The following SH3KBP1 variants were observed in gnomAD, a reference collection of about 807,000 sequenced individuals.
The protein encoded by SH3KBP1 is SH3 domain-containing kinase-binding protein 1.
A neutral mutation model predicts 50.1 loss-of-function variants in SH3KBP1; 8 were observed. That is an observed-to-expected ratio of 0.16 (90% confidence interval 0.09 to 0.29). SH3KBP1 has a LOEUF of 0.29. Ranked by LOEUF, SH3KBP1 falls within the 10% of genes least tolerant of loss-of-function variation. The pLI, the probability that SH3KBP1 is intolerant of heterozygous loss-of-function variation, is 1.00. For missense variants in SH3KBP1, 377 were observed against 535.2 expected, an observed-to-expected ratio of 0.70 and a Z score of 2.92; for synonymous variants, 227 against 218.6, an observed-to-expected ratio of 1.04 and a Z score of -0.34.
chrX:19,722,314 G>A (rs1173948306), intron 3 of SH3KBP1, among the ~76,000 whole-genome samples: 1 of 111,598 alleles, frequency 9.0e-6, no homozygotes, highest in Admixed American at 9.5e-5. Flanking sequence ...TTCTTCCAGG[G>A]AGGCCAGCAC....
At chrX:19,604,262 C>A (rs2067176418) in intron 9 of SH3KBP1, among the ~76,000 whole-genome samples, 2 of 111,879 alleles carry the variant, frequency 1.8e-5, no homozygotes, top group South Asian at 7.5e-4. Flanking sequence ...CTAAAATATG[C>A]ACCAAGAGAT....
chrX:19,632,341 C>T (rs936591687), intron 7 of SH3KBP1, among the ~76,000 whole-genome samples: 4 of 112,232 alleles, frequency 3.6e-5, no homozygotes, highest in Non-Finnish European at 7.5e-5. Flanking sequence ...TTAAGTTTTG[C>T]CTCACTGCCT....
chrX:19,572,456 A>C (rs1602516043), intron 12 of SH3KBP1, among the ~76,000 whole-genome samples: 1 of 107,165 alleles, frequency 9.3e-6, no homozygotes. Flanking sequence ...CATGTTATAT[A>C]TAGTACATAT....
chrX:19,885,283 C>T (rs2069556465), intron 1 of SH3KBP1, among the ~76,000 whole-genome samples: 1 of 111,819 alleles, frequency 8.9e-6, no homozygotes, highest in African/African-American at 3.3e-5. Context: ...CACTTCATTA[C>T]AAATATACTG....
chrX:19,826,696 A>G (rs1307397457), intron 2 of SH3KBP1, among the ~76,000 whole-genome samples: 1 of 74,298 alleles, frequency 1.3e-5, no homozygotes, highest in East Asian at 3.1e-4. Flanking sequence ...ATAACATAAC[A>G]TAACATAACA....
At chrX:19,872,270 A>AAAAGAAAG (rs748207841) in intron 1 of SH3KBP1, among the ~76,000 whole-genome samples, 1 of 83,728 alleles carries the variant, frequency 1.2e-5, no homozygotes, top group Non-Finnish European at 2.3e-5. Flanking sequence ...AAAAAAAAAA[A>AAAAGAAAG]AAAGAAAGAA....
intron 2 of SH3KBP1, among the ~76,000 whole-genome samples, chrX:19,796,763 A>G (rs749913691): frequency 1.1e-4 from 12 of 112,519 alleles, no homozygotes; most frequent in Admixed American, 2.8e-4. Flanking sequence ...GGTGGTTTTC[A>G]TTTTGAGAAC....
At chrX:19,628,558 G>A (rs138953874) in intron 8 of SH3KBP1, among the ~76,000 whole-genome samples, 116 of 111,460 alleles carry the variant, frequency 1.0e-3, no homozygotes, top group African/African-American at 3.6e-3. Flanking sequence ...CACCGCTTCC[G>A]GCAAACTGGA....
At chrX:19,539,934 G>C (rs943030912) in intron 16 of SH3KBP1, among the ~76,000 whole-genome samples, 4 of 111,758 alleles carry the variant, frequency 3.6e-5, no homozygotes, top group Non-Finnish European at 7.5e-5. Flanking sequence ...CAGTGGGGGA[G>C]AAACATGGTG....
At chrX:19,880,940 A>T (rs905142518) in intron 1 of SH3KBP1, among the ~76,000 whole-genome samples, 1 of 111,899 alleles carries the variant, frequency 8.9e-6, no homozygotes, top group Non-Finnish European at 1.9e-5. Flanking sequence ...CTCCAGAAAG[A>T]ACGCAACCCT....
chrX:19,713,780 A>G (rs1292280915), intron 3 of SH3KBP1, among the ~76,000 whole-genome samples: 2 of 111,196 alleles, frequency 1.8e-5, no homozygotes, highest in Non-Finnish European at 3.8e-5. Context: ...TAGTCACCCT[A>G]CTCTGCTACT....
chrX:19,692,687 A>ATT (rs1173048315), intron 5 of SH3KBP1, among the ~76,000 whole-genome samples: 2 of 86,961 alleles, frequency 2.3e-5, no homozygotes, highest in African/African-American at 1.0e-4. Context: ...ATATATATAT[A>ATT]TATTTTTTTT....
rs1470643490 is a variant in SH3KBP1, at chrX:19,887,389, G to C, written c.-79C>G. On this transcript the variant is annotated 5_prime_UTR_variant, in exon 1 of 18. Transcript: ENST00000397821. Reference sequence around the variant, plus strand: ...GCGTGGGGGTTGGGGCGCCGGGATCGGGGCGCTGGGATCCAGGCGCGAGGG... The same window carrying C: ...GCGTGGGGGTTGGGGCGCCGGGATCCGGGCGCTGGGATCCAGGCGCGAGGG... 2.9e-5 allele frequency: 24 copies of C among 827,874 alleles called. No homozygotes were observed. The East Asian group carries it at 8.6e-4, about 30-fold the overall frequency. The allele number at this position is 827,874 out of a possible 1,213,427, so 68.2% of individuals were successfully genotyped here. A position where few individuals can be genotyped will look rare whatever the true frequency, so the allele number is the denominator to read the frequency against.
intron 12 of SH3KBP1, among the ~76,000 whole-genome samples, chrX:19,576,951 C>T (rs374662757): frequency 8.9e-6 from 1 of 112,099 alleles, no homozygotes; most frequent in African/African-American, 3.2e-5. Flanking sequence ...TCTCAGCCAT[C>T]TCAGCCCAAC....
At chrX:19,562,687 A>C (rs2065719637) in intron 13 of SH3KBP1, among the ~76,000 whole-genome samples, 1 of 110,803 alleles carries the variant, frequency 9.0e-6, no homozygotes, top group Admixed American at 9.6e-5. Flanking sequence ...CCACATTACC[A>C]GGGGAGGCAG....
intron 6 of SH3KBP1, among the ~76,000 whole-genome samples, chrX:19,682,276 G>A (rs1329911028): frequency 2.8e-5 from 3 of 108,169 alleles, no homozygotes; most frequent in African/African-American, 1.0e-4. Flanking sequence ...GCTATCAACA[G>A]TAACTCAATT....
intron 1 of SH3KBP1, among the ~76,000 whole-genome samples, chrX:19,873,311 T>C (rs759828348): frequency 0.01 from 982 of 96,139 alleles, 20 homozygotes; most frequent in African/African-American, 0.037. Context: ...TATATATATA[T>C]ACATATACAT....
At chrX:19,873,040 G>T (rs769248104) in intron 1 of SH3KBP1, among the ~76,000 whole-genome samples, 1 of 108,703 alleles carries the variant, frequency 9.2e-6, no homozygotes, top group South Asian at 4.0e-4. Context: ...GGCATCTATG[G>T]AGATAAAGAA....
intron 2 of SH3KBP1, among the ~76,000 whole-genome samples, chrX:19,774,013 T>C (rs914870181): frequency 2.1e-4 from 23 of 110,171 alleles, no homozygotes; most frequent in Admixed American, 1.7e-3. Flanking sequence ...CTGTCACCCT[T>C]TCATAGAAAA....
Sources: gnomAD v4.1 joint callset for allele counts (sites outside exome capture counted in the v4.1 genomes callset) on GRCh38, gnomAD v4.1.1 for gene constraint, MANE v1.5 for transcripts, NCBI Gene and HGNC (gene_info 2026-07-23, HGNC 2026-07-21) for gene names.